Variants in MAPK10 observed in about 807,000 individuals in gnomAD.
MAPK10 encodes the protein mitogen-activated protein kinase 10.
Under a neutral mutation model 59.3 loss-of-function variants are expected in MAPK10, and 25 were observed. That is an observed-to-expected ratio of 0.42 (90% confidence interval 0.31 to 0.59). MAPK10 has a LOEUF of 0.59. MAPK10 is among the 20% of genes least tolerant of loss of function. MAPK10 has a pLI of 0.15. For synonymous variants in MAPK10, 190 were observed against 200.5 expected, an observed-to-expected ratio of 0.95 and a Z score of 0.44; for missense variants, 351 against 568.9, an observed-to-expected ratio of 0.62 and a Z score of 3.90.
intron 4 of MAPK10, chr4:86,120,695 T>C (rs1267017347): frequency 1.3e-5 from 2 of 152,214 alleles, no homozygotes; most frequent in African/African-American, 4.8e-5. Context: ...TTACTGACCA[T>C]TCAATGGACC....
intron 13 of MAPK10, chr4:86,025,305 C>T (rs900810052): frequency 1.3e-5 from 5 of 386,350 alleles, no homozygotes; most frequent in African/African-American, 2.1e-5. Flanking sequence ...TTCTGTATGA[C>T]TCCCTCTATT....
chr4:86,471,577 GGTT>G (rs1293604346), intron 1 of MAPK10, among the ~76,000 whole-genome samples: 1 of 152,020 alleles, frequency 6.6e-6, no homozygotes, highest in African/African-American at 2.4e-5. Context: ...ATATAAAAAT[GGTT>G]GTTTCCTGAA....
intron 11 of MAPK10, among the ~76,000 whole-genome samples, chr4:86,039,656 T>C (rs998647465): frequency 2.6e-5 from 4 of 152,160 alleles, no homozygotes; most frequent in Non-Finnish European, 4.4e-5. Flanking sequence ...GGACATCAGA[T>C]CCATCCCAGT....
chr4:86,162,545 G>A (rs2070148086), intron 3 of MAPK10, among the ~76,000 whole-genome samples: 1 of 152,000 alleles, frequency 6.6e-6, no homozygotes, highest in Non-Finnish European at 1.5e-5. Flanking sequence ...TCAGCCCTTT[G>A]TGATAGTTTT....
intron 1 of MAPK10, among the ~76,000 whole-genome samples, chr4:86,588,262 A>C (rs1762771218): frequency 6.6e-6 from 1 of 152,212 alleles, no homozygotes; most frequent in Admixed American, 6.5e-5. Flanking sequence ...ATGCCACTTA[A>C]AGGCCAATAT....
chr4:86,350,277 C>A (rs557113784), intron 2 of MAPK10, among the ~76,000 whole-genome samples: 52 of 151,772 alleles, frequency 3.4e-4, no homozygotes, highest in African/African-American at 1.1e-3. Context: ...TGCAGTGGCA[C>A]GATCGCGGCT....
chr4:86,292,308 A>ATATCTCCATATC (rs2095249976), intron 2 of MAPK10, among the ~76,000 whole-genome samples: 1 of 152,202 alleles, frequency 6.6e-6, no homozygotes, highest in Non-Finnish European at 1.5e-5. Flanking sequence ...TATCTCTAGC[A>ATATCTCCATATC]CAAATTCTTA....
intron 3 of MAPK10, among the ~76,000 whole-genome samples, chr4:86,190,508 TC>T (rs2079439360): frequency 6.6e-6 from 1 of 152,200 alleles, no homozygotes. Context: ...AACCATTTTT[TC>T]TAGATTTTCA....
chr4:86,317,417 T>C (rs138120141), intron 2 of MAPK10, among the ~76,000 whole-genome samples: 4 of 152,286 alleles, frequency 2.6e-5, no homozygotes, highest in South Asian at 2.1e-4. Flanking sequence ...ACTGTATTTC[T>C]AGGAAGATTT....
At chr4:86,545,003 G>A (rs943263105) in intron 1 of MAPK10, among the ~76,000 whole-genome samples, 9 of 152,210 alleles carry the variant, frequency 5.9e-5, no homozygotes, top group African/African-American at 1.9e-4. Flanking sequence ...AAGAAGAGAG[G>A]AAGGAAGAAA....
intron 4 of MAPK10, among the ~76,000 whole-genome samples, chr4:86,123,330 G>T (rs1283018190): frequency 6.6e-6 from 1 of 151,520 alleles, no homozygotes; most frequent in East Asian, 1.9e-4. Context: ...TCTTTTCTTG[G>T]CTATTGTGAA....
chr4:86,504,635 T>C (rs1669747953), intron 1 of MAPK10, among the ~76,000 whole-genome samples: 2 of 152,118 alleles, frequency 1.3e-5, no homozygotes, highest in Non-Finnish European at 2.9e-5. Flanking sequence ...AAGTTGTCTA[T>C]AAACATTCAC....
intron 2 of MAPK10, among the ~76,000 whole-genome samples, chr4:86,328,498 TG>T (rs2096076061): frequency 6.6e-6 from 1 of 152,204 alleles, no homozygotes; most frequent in Non-Finnish European, 1.5e-5. Flanking sequence ...ATCTGATTAC[TG>T]GGTATATACC....
chr4:86,055,189 G>A (rs2044313973), intron 11 of MAPK10, among the ~76,000 whole-genome samples: 1 of 152,060 alleles, frequency 6.6e-6, no homozygotes, highest in Admixed American at 6.5e-5. Context: ...AAATATACAA[G>A]AAATACTAAA....
intron 1 of MAPK10, among the ~76,000 whole-genome samples, chr4:86,413,426 C>G (rs540191837): frequency 6.6e-6 from 1 of 152,276 alleles, no homozygotes; most frequent in Admixed American, 6.5e-5. Context: ...CTGGGAGAAC[C>G]ATTGCTCTCT....
intron 11 of MAPK10, among the ~76,000 whole-genome samples, chr4:86,037,357 A>G (rs1036791413): frequency 2.0e-5 from 3 of 152,088 alleles, no homozygotes; most frequent in African/African-American, 7.2e-5. Context: ...CATCTCTACT[A>G]AAAGTATAAA....
chr4:86,333,992 T>G (rs1201063279), intron 2 of MAPK10, among the ~76,000 whole-genome samples: 1 of 152,168 alleles, frequency 6.6e-6, no homozygotes, highest in Non-Finnish European at 1.5e-5. Context: ...CTTTGCCCCA[T>G]TATCCTCCTA....
intron 13 of MAPK10, among the ~76,000 whole-genome samples, chr4:86,021,564 G>A (rs995884941): frequency 4.6e-5 from 7 of 152,252 alleles, no homozygotes; most frequent in African/African-American, 1.7e-4. Flanking sequence ...CCCGTACCAG[G>A]GCTGCAGGTG....
At chr4:86,462,201 C>T (rs550201685) in intron 1 of MAPK10, among the ~76,000 whole-genome samples, 3 of 152,148 alleles carry the variant, frequency 2.0e-5, no homozygotes, top group African/African-American at 4.8e-5. Flanking sequence ...CCCTTGCCAG[C>T]GGGGATGATA....
Sources: allele counts gnomAD v4.1 joint callset (sites outside exome capture counted in the v4.1 genomes callset), GRCh38; gene constraint gnomAD v4.1.1; transcripts MANE v1.5; gene names NCBI Gene and HGNC (gene_info 2026-07-23, HGNC 2026-07-21).